GBE1: variants seen among roughly 807,000 people sequenced by gnomAD.
GBE1 encodes the protein 1,4-alpha-glucan branching enzyme 1.
In GBE1, 70 loss-of-function variants were observed where a neutral mutation model predicts 88.8. The observed-to-expected ratio is 0.79, with a 90% confidence interval of 0.65 to 0.96. The LOEUF (loss-of-function observed/expected upper bound fraction) is 0.96. GBE1 is among the 40% of genes least tolerant of loss of function. The probability of loss-of-function intolerance (pLI) is 0.00; values close to 1 mark genes in which losing one functional copy is unlikely to be tolerated. For synonymous variants in GBE1, 284 were observed against 300.1 expected, an observed-to-expected ratio of 0.95 and a Z score of 0.56; for missense variants, 872 against 871.0, an observed-to-expected ratio of 1.00 and a Z score of -0.01.
chr3:81,626,104 G>A (rs28624341), intron 7 of GBE1, among the ~76,000 whole-genome samples: 21,915 of 152,148 alleles, frequency 0.14, 1,743 homozygotes, highest in Non-Finnish European at 0.19. Context: ...AAACAATGCC[G>A]GCACTGCTCA....
At chr3:81,703,627 T>C (rs969890528) in intron 2 of GBE1, among the ~76,000 whole-genome samples, 1 of 152,052 alleles carries the variant, frequency 6.6e-6, no homozygotes, top group African/African-American at 2.4e-5. Context: ...ACTGGGTATA[T>C]GAACATACTT....
intron 1 of GBE1, among the ~76,000 whole-genome samples, chr3:81,736,184 G>A (rs1706255387): frequency 6.6e-6 from 1 of 152,118 alleles, no homozygotes; most frequent in Non-Finnish European, 1.5e-5. Flanking sequence ...TTAATCATGG[G>A]TATGTCCTCT....
intron 2 of GBE1, among the ~76,000 whole-genome samples, chr3:81,693,598 T>C (rs1312942670): frequency 1.3e-5 from 2 of 152,168 alleles, no homozygotes; most frequent in Non-Finnish European, 1.5e-5. Context: ...ACACAGTATT[T>C]GGCACACAGA....
rs144845116 is a variant in GBE1, at chr3:81,559,517, A to G, written c.1618+18408T>C. 1.5e-3 allele frequency among the ~76,000 whole-genome samples: 221 copies of G among 151,784 alleles called. 2 individuals carry two copies. The highest frequency in any genetic ancestry group is 5.2e-3 in the African/African-American group (215 of 41,400). ...GTTTTGATGCTCCAAATACTATTGC[A>G]TATCTGTTTATATGCTGTGGCACTC... is the stretch of plus-strand genomic sequence containing the variant. On this transcript the variant is annotated intron_variant, in intron 12 of 15. Transcript: ENST00000429644.
intron 12 of GBE1, among the ~76,000 whole-genome samples, chr3:81,554,384 A>C (rs1703319071): frequency 6.6e-6 from 1 of 152,230 alleles, no homozygotes; most frequent in East Asian, 1.9e-4. Flanking sequence ...GGGATATGAA[A>C]GCAAGGAATA....
chr3:81,655,977 C>A (rs918362035), intron 3 of GBE1, among the ~76,000 whole-genome samples: 6 of 152,142 alleles, frequency 3.9e-5, no homozygotes, highest in African/African-American at 1.4e-4. Context: ...CACTACTTAT[C>A]CTTGTTTTTG....
intron 1 of GBE1, among the ~76,000 whole-genome samples, chr3:81,737,290 AATATTTATATAAATATATATTTATAT>A (rs1706270304): frequency 7.2e-6 from 1 of 139,782 alleles, no homozygotes; most frequent in African/African-American, 2.6e-5. Context: ...CTTCAAAATA[AATATTTATATAAATATATATTTATAT>A]ATATTTATAT....
At chr3:81,634,775 A>AT (rs1704569242) in intron 7 of GBE1, among the ~76,000 whole-genome samples, 3 of 152,186 alleles carry the variant, frequency 2.0e-5, no homozygotes, top group South Asian at 4.1e-4. Flanking sequence ...ATAAACAACT[A>AT]TTCCAAATGT....
At chr3:81,573,698 A>G (rs761224982) in intron 12 of GBE1, among the ~76,000 whole-genome samples, 6 of 152,162 alleles carry the variant, frequency 3.9e-5, no homozygotes, top group Non-Finnish European at 8.8e-5. Flanking sequence ...TTAAATTAAT[A>G]TACACCTCAA....
chr3:81,581,074 G>T (rs1448292584), intron 11 of GBE1, 91 bp downstream of exon 11: 6 of 727,236 alleles, frequency 8.3e-6, no homozygotes, highest in Non-Finnish European at 1.2e-5. Context: ...TTTATATTTC[G>T]ATATGTTTAT....
chr3:81,710,686 G>A (rs772226701), intron 1 of GBE1, among the ~76,000 whole-genome samples: 13 of 151,976 alleles, frequency 8.6e-5, no homozygotes, highest in South Asian at 2.1e-4. Flanking sequence ...TTCAATAAAT[G>A]GTGGCTGGAA....
intron 14 of GBE1, among the ~76,000 whole-genome samples, chr3:81,512,922 GA>G (rs201246729): frequency 1.3e-5 from 2 of 151,134 alleles, no homozygotes; most frequent in East Asian, 1.9e-4. Context: ...CATAAAAATT[GA>G]AAAAAAATAA....
At chr3:81,526,324 C>A (rs952614900) in intron 14 of GBE1, among the ~76,000 whole-genome samples, 13 of 152,104 alleles carry the variant, frequency 8.5e-5, no homozygotes, top group African/African-American at 2.9e-4. Flanking sequence ...ACAGGGATGC[C>A]CTCTCTCACC....
intron 12 of GBE1, among the ~76,000 whole-genome samples, chr3:81,540,936 C>T (rs1465808584): frequency 6.6e-6 from 1 of 151,922 alleles, no homozygotes; most frequent in Non-Finnish European, 1.5e-5. Context: ...TTAAAATTAA[C>T]ATTTTAGGCA....
intron 6 of GBE1, 87 bp from the exon 7 acceptor site, chr3:81,643,077 T>C (rs1704710774): frequency 1.2e-6 from 1 of 835,902 alleles, no homozygotes. Flanking sequence ...ACCATCGCAG[T>C]ACTAGATACT....
intron 3 of GBE1, among the ~76,000 whole-genome samples, chr3:81,666,996 G>C (rs1309607118): frequency 6.6e-6 from 1 of 152,156 alleles, no homozygotes; most frequent in African/African-American, 2.4e-5. Context: ...AGAGATGACA[G>C]ATGTCAGCTA....
chr3:81,504,169 C>T lies in GBE1; in HGVS notation c.1935-4942G>A, dbSNP rs73125165. Among the ~76,000 whole-genome samples, 351 of 152,262 alleles carry T rather than the reference C, an allele frequency of 2.3e-3. 2 individuals carry two copies. The highest frequency in any genetic ancestry group is 3.9e-3 in the Non-Finnish European group (262 of 68,004). On this transcript the variant is annotated intron_variant, in intron 14 of 15. Transcript: ENST00000429644. ...GCCCCACCTCCAACACTGGGAATCA[C>T]ATTTCAACATGAGATCTTAAGGGGA...
At chr3:81,611,416 G>A (rs939500315) in intron 7 of GBE1, among the ~76,000 whole-genome samples, 3 of 152,120 alleles carry the variant, frequency 2.0e-5, no homozygotes, top group African/African-American at 7.2e-5. Context: ...GGGGAAAATG[G>A]AAATACAAGC....
intron 14 of GBE1, among the ~76,000 whole-genome samples, chr3:81,528,426 C>A (rs1044916527): frequency 5.3e-5 from 8 of 151,906 alleles, no homozygotes; most frequent in Non-Finnish European, 8.8e-5. Flanking sequence ...AAGAATGTTC[C>A]ATGAGCTGAG....
Sources: gnomAD v4.1 joint callset for allele counts (sites outside exome capture counted in the v4.1 genomes callset) on GRCh38, gnomAD v4.1.1 for gene constraint, MANE v1.5 for transcripts, NCBI Gene and HGNC (gene_info 2026-07-23, HGNC 2026-07-21) for gene names.